The following MAN1C1 variants were observed in gnomAD, a reference collection of about 807,000 sequenced individuals.
The protein encoded by MAN1C1 is mannosyl-oligosaccharide 1,2-alpha-mannosidase IC.
MAN1C1 carries 49 observed loss-of-function variants against 71.5 expected under a neutral mutation model. The observed-to-expected ratio is 0.69, with a 90% confidence interval of 0.54 to 0.87. The LOEUF (loss-of-function observed/expected upper bound fraction) is 0.87, where lower values mean the gene tolerates loss of function less well. Among genes scored for constraint, MAN1C1 ranks in the 40% least tolerant of loss-of-function variants. The probability of loss-of-function intolerance (pLI) is 0.00; values close to 1 mark genes in which losing one functional copy is unlikely to be tolerated. For synonymous variants in MAN1C1, 352 were observed against 343.7 expected (o/e 1.02, Z -0.27); for missense variants, 743 against 835.0 (o/e 0.89, Z 1.36).
intron 4 of MAN1C1, among the ~76,000 whole-genome samples, chr1:25,750,810 A>G (rs2047203525): frequency 6.6e-6 from 1 of 152,220 alleles, no homozygotes; most frequent in African/African-American, 2.4e-5. Context: ...TGTGTTCTTC[A>G]GGGCATATGC....
In MAN1C1 at chr1:25,782,719, TC is replaced by T; in HGVS notation, c.1766+21del. 1 of 1,580,292 alleles carries T rather than the reference TC, an allele frequency of 6.3e-7. No individual in the cohort carries two copies. The highest frequency in any genetic ancestry group is 8.7e-7 in the Non-Finnish European group (1 of 1,149,424). On this transcript the variant is annotated intron_variant, in intron 11 of 11. Transcript: ENST00000374332. This position sits in a 1 kb window ranked among gnomAD's most constrained non-coding sequence, Gnocchi z 4.4. ...CACTAAAGTGAGCAGTGTGGGCTCTTCCTAGGGATGGACAGGTGGGAGGTTG... is the reference window on the plus strand; with the variant it reads ...CACTAAAGTGAGCAGTGTGGGCTCTTCTAGGGATGGACAGGTGGGAGGTTG...
At chr1:25,622,021 G>A (rs1451522520) in intron 1 of MAN1C1, among the ~76,000 whole-genome samples, 5 of 152,146 alleles carry the variant, frequency 3.3e-5, no homozygotes, top group South Asian at 2.1e-4. Context: ...CACTGAGAAC[G>A]CGGTACTGGA....
chr1:25,712,019 C>A (rs1452892958), intron 2 of MAN1C1, among the ~76,000 whole-genome samples: 1 of 152,162 alleles, frequency 6.6e-6, no homozygotes, highest in African/African-American at 2.4e-5. Flanking sequence ...GGCGACAAGA[C>A]CAGCTAAGCT....
chr1:25,628,294 T>A (rs909917248), intron 1 of MAN1C1, among the ~76,000 whole-genome samples: 7 of 152,180 alleles, frequency 4.6e-5, no homozygotes, highest in African/African-American at 1.7e-4. Flanking sequence ...TAAATATTTT[T>A]AAAATTTCAT....
At chr1:25,743,527 T>C (rs2047088899) in intron 2 of MAN1C1, among the ~76,000 whole-genome samples, 1 of 152,166 alleles carries the variant, frequency 6.6e-6, no homozygotes, top group Admixed American at 6.5e-5. Context: ...TTCCAGTAAG[T>C]GCCTTGCTGG....
At chr1:25,657,218 C>T (rs767405646) in intron 1 of MAN1C1, among the ~76,000 whole-genome samples, 1 of 152,218 alleles carries the variant, frequency 6.6e-6, no homozygotes, top group Non-Finnish European at 1.5e-5. Context: ...CTTACCATTA[C>T]CCAGGGCACA....
chr1:25,665,216 G>A (rs1193356902), intron 1 of MAN1C1, among the ~76,000 whole-genome samples: 3 of 152,130 alleles, frequency 2.0e-5, no homozygotes, highest in East Asian at 1.9e-4. Context: ...AATGTTACTC[G>A]TTTCTGCAAT....
intron 5 of MAN1C1, among the ~76,000 whole-genome samples, chr1:25,756,032 A>G (rs1279042150): frequency 6.6e-6 from 1 of 152,206 alleles, no homozygotes; most frequent in Non-Finnish European, 1.5e-5. Context: ...CCCTCATTCT[A>G]TGAAATAAAG....
intron 6 of MAN1C1, chr1:25,761,051 A>T (rs768185653): frequency 2.6e-5 from 4 of 152,158 alleles, no homozygotes; most frequent in Non-Finnish European, 5.9e-5. Flanking sequence ...TGGCTCTGCC[A>T]CTTAAGGACC....
rs143322859 is a variant in MAN1C1 at position 25,764,733 on chromosome 1, AAAACAAAC to A, written c.1141+786_1141+793del. Among the ~76,000 whole-genome samples the A allele has an allele frequency of 7.2e-5, 11 of 151,976 alleles. No individual in the cohort carries two copies. Among genetic ancestry groups the A allele is most frequent in the East Asian group, 3.9e-4 (2 of 5,146 alleles). ...ACGCCTGGCTCCAACTTTAATTTAA[AAAACAAAC>A]AAACAAACAAACAAACAAAAACCAT... On this transcript the variant is annotated intron_variant, in intron 7 of 11. Transcript: ENST00000374332. This position sits in a 1 kb window ranked among gnomAD's most constrained non-coding sequence, Gnocchi z 4.4.
intron 2 of MAN1C1, among the ~76,000 whole-genome samples, chr1:25,697,649 C>T (rs957123991): frequency 2.6e-5 from 4 of 152,162 alleles, no homozygotes; most frequent in Non-Finnish European, 4.4e-5. Flanking sequence ...AGCGGCTGCA[C>T]CATTTTAAAT....
intron 1 of MAN1C1, among the ~76,000 whole-genome samples, chr1:25,654,068 C>T (rs1423394687): frequency 6.6e-6 from 1 of 152,120 alleles, no homozygotes; most frequent in Non-Finnish European, 1.5e-5. Context: ...CCTGGTTGCA[C>T]ATTGAGACAA....
intron 6 of MAN1C1, chr1:25,761,068 C>A (rs1572201562): frequency 6.6e-6 from 1 of 152,288 alleles, no homozygotes; most frequent in South Asian, 2.1e-4. Context: ...GACCAGGTGG[C>A]CATCAGCAAG....
In MAN1C1 at chr1:25,674,057, G is replaced by A. The variant is rs192237036; in HGVS notation, c.541-12383G>A. Among the ~76,000 whole-genome samples the A allele has an allele frequency of 1.5e-3, 227 of 152,310 alleles. 1 individual carries two copies. Among genetic ancestry groups the A allele is most frequent in the Non-Finnish European group, 2.7e-3 (183 of 68,024 alleles). On this transcript the variant is annotated intron_variant, in intron 1 of 11. Coordinates refer to ENST00000374332, the MANE Select transcript of MAN1C1 (RefSeq NM_020379.4). ...CACCCAATCTGTGATAGAACAGAGC[G>A]GTTGGGGACCTGTCCCAATGCAGTG...
In MAN1C1 at chr1:25,769,981, G is replaced by A. The variant is rs1170728891; in HGVS notation, c.1142-1676G>A. ...CCCGCGTGGGGAATGAGGTGGGGAG[G>A]GTGCGCCACACCGAGAGGTGACAGT... is the stretch of plus-strand genomic sequence containing the variant. On this transcript the variant is annotated intron_variant, in intron 7 of 11. Transcript: ENST00000374332. This position sits in a 1 kb window ranked among gnomAD's most constrained non-coding sequence, Gnocchi z 4.8. Among the ~76,000 whole-genome samples, 1 of 148,370 alleles carries A rather than the reference G, an allele frequency of 6.7e-6. No individual in the cohort carries two copies. The highest frequency in any genetic ancestry group is 1.5e-5 in the Non-Finnish European group (1 of 66,624).
rs2045144462 is a variant in MAN1C1, at chr1:25,618,272, A to G, written c.475A>G (p.Thr159Ala). 4 of 1,604,294 alleles carry G rather than the reference A, an allele frequency of 2.5e-6. No homozygotes were observed. In the African/African-American group the frequency reaches 5.4e-5, roughly 21 times the overall value. ...CCGTCTCCGCCACCCGGTCCTGGGA[A>G]CGAGGGCCGATGAGAGTCAGGAGCC... ...RSRLRHPVLGTRADESQEPQS... is the reference protein window; with the variant it reads ...RSRLRHPVLGARADESQEPQS... Residue 159 changes from threonine (T) to alanine (A), a missense_variant, in exon 1 of 12, where the codon ACG becomes GCG. By Grantham distance (58) the Thr-to-Ala change is moderately conservative (BLOSUM62 0). Transcript: ENST00000374332.
intron 6 of MAN1C1, among the ~76,000 whole-genome samples, chr1:25,762,563 A>T (rs2047375876): frequency 6.6e-6 from 1 of 151,866 alleles, no homozygotes; most frequent in Non-Finnish European, 1.5e-5. Context: ...AGTAGCTAAG[A>T]TTACAGGCCT....
chr1:25,626,371 T>G (rs1194121657), intron 1 of MAN1C1, among the ~76,000 whole-genome samples: 1 of 152,104 alleles, frequency 6.6e-6, no homozygotes, highest in African/African-American at 2.4e-5. Context: ...TTTCTTTTTT[T>G]TTTTTGAGAT....
chr1:25,627,852 G>C (rs2045321361), intron 1 of MAN1C1, among the ~76,000 whole-genome samples: 1 of 148,696 alleles, frequency 6.7e-6, no homozygotes, highest in East Asian at 2.0e-4. Flanking sequence ...GGGCAACATG[G>C]CAAAACCCAA....
Sources: gnomAD v4.1 joint callset for allele counts (sites outside exome capture counted in the v4.1 genomes callset) on GRCh38, gnomAD v4.1.1 for gene constraint, Gnocchi (gnomAD v3.1) non-coding constraint, MANE v1.5 for transcripts, NCBI Gene and HGNC (gene_info 2026-07-23, HGNC 2026-07-21) for gene names.